MGST1: variants seen among roughly 807,000 people sequenced by gnomAD.
MGST1 encodes the protein glutathione S-transferase 12.
In MGST1, 5 loss-of-function variants were observed where a neutral mutation model predicts 8.9. That is an observed-to-expected ratio of 0.56 (90% CI 0.29 to 1.19). MGST1 has a LOEUF of 1.19. Among genes scored for constraint, MGST1 ranks in the 50% most tolerant of loss-of-function variants. The pLI, the probability that MGST1 is intolerant of heterozygous loss-of-function variation, is 0.08. For synonymous variants in MGST1, 54 were observed against 67.8 expected, an observed-to-expected ratio of 0.80 and a Z score of 1.00; for missense variants, 182 against 187.4, an observed-to-expected ratio of 0.97 and a Z score of 0.17.
At chr12:16,360,055 T>G (rs1198556988) in intron 3 of MGST1, among the ~76,000 whole-genome samples, 1 of 152,106 alleles carries the variant, frequency 6.6e-6, no homozygotes, top group East Asian at 1.9e-4. Flanking sequence ...CTGGAGGAGG[T>G]GCAGCGACTG....
intron 1 of MGST1, among the ~76,000 whole-genome samples, chr12:16,429,393 TTTCG>T (rs1225890278): frequency 6.6e-6 from 1 of 152,142 alleles, no homozygotes; most frequent in African/African-American, 2.4e-5. Flanking sequence ...TCCTTTCCTT[TTTCG>T]TTTATCTTCA....
intron 1 of MGST1, among the ~76,000 whole-genome samples, chr12:16,398,018 C>T (rs1185607542): frequency 6.6e-6 from 1 of 151,564 alleles, no homozygotes; most frequent in Non-Finnish European, 1.5e-5. Context: ...CATTTACTTA[C>T]ATGTGCACTG....
At chr12:16,372,810 T>A (rs1161639116) in intron 3 of MGST1, among the ~76,000 whole-genome samples, 1 of 150,496 alleles carries the variant, frequency 6.6e-6, no homozygotes, top group Non-Finnish European at 1.5e-5. Flanking sequence ...GAAGATGGGA[T>A]GTGTGTGTGT....
At chr12:16,515,015 T>C (rs930188411) in intron 4 of MGST1, among the ~76,000 whole-genome samples, 10 of 152,206 alleles carry the variant, frequency 6.6e-5, no homozygotes, top group Admixed American at 1.3e-4. Flanking sequence ...TGAAGTGTTA[T>C]AGAGTTCGGG....
rs1591727061 is a variant in MGST1, at chr12:16,434,414, C to T, written n.779-2974C>T. On this transcript the variant is annotated intron_variant and non_coding_transcript_variant, in intron 1 of 1. Coordinates refer to the MGST1 transcript ENST00000359720. ...CACTTATTATGTCTCATTATAGTTC[C>T]AAGTAATTCTCATTTATTTTATTTC... Among the ~76,000 whole-genome samples the T allele has an allele frequency of 2.0e-5, 3 of 150,254 alleles. No individual in the cohort carries two copies. In the Middle Eastern group the frequency reaches 0.01, roughly 511 times the overall value.
rs554019065 is a variant in MGST1, at chr12:16,444,208, A to G, written n.482+60604A>G. Among the ~76,000 whole-genome samples, 22 of 73,632 alleles carry G rather than the reference A, an allele frequency of 3.0e-4. No individual in the cohort carries two copies. In the East Asian group the frequency reaches 6.9e-3, roughly 23 times the overall value. The allele number at this position is 73,632 out of a possible 152,430, so 48.3% of individuals were successfully genotyped here. On this transcript the variant is annotated intron_variant and non_coding_transcript_variant, in intron 4 of 4. Transcript: ENST00000538857. The stretch of plus-strand genomic sequence containing the variant: ...GTTTTTTTTTTTTTTTTTTTTGTCT[A>G]CTTGGATTTTTAGTGCACCTTCCAT...
rs972252200 is a variant in MGST1 at position 16,400,479 on chromosome 12, T to C, written n.778+16875T>C. ...TACTCCAGTTTAGATTGATCACCAG[T>C]GAGTCTTGTTTTACAATGCCCTCCT... On this transcript the variant is annotated intron_variant and non_coding_transcript_variant, in intron 1 of 1. Coordinates refer to the MGST1 transcript ENST00000359720. The C allele has an allele frequency of 2.4e-5, 19 of 797,980 alleles. No homozygotes were observed. In the African/African-American group the frequency reaches 3.2e-4, roughly 13 times the overall value. 49.4% of individuals were successfully genotyped at this position (797,980 alleles called of 1,614,324 possible).
chr12:16,488,883 A>C (rs1591743351), intron 4 of MGST1, among the ~76,000 whole-genome samples: 1 of 152,078 alleles, frequency 6.6e-6, no homozygotes, highest in South Asian at 2.1e-4. Context: ...CTGAGGCAGC[A>C]GAGTTGTTTG....
intron 4 of MGST1, among the ~76,000 whole-genome samples, chr12:16,461,574 C>A (rs1025200551): frequency 3.3e-5 from 5 of 152,070 alleles, no homozygotes; most frequent in African/African-American, 1.2e-4. Flanking sequence ...AAAATAGGTT[C>A]TTTGGATAAG....
At chr12:16,578,860 A>AAC (rs1565497758) in intron 4 of MGST1, among the ~76,000 whole-genome samples, 44 of 147,944 alleles carry the variant, frequency 3.0e-4, no homozygotes, top group Non-Finnish European at 5.2e-4. Context: ...ACAACAACAA[A>AAC]ACATTAATTC....
At chr12:16,520,178 T>C (rs967495006) in intron 4 of MGST1, among the ~76,000 whole-genome samples, 1 of 152,112 alleles carries the variant, frequency 6.6e-6, no homozygotes, top group Non-Finnish European at 1.5e-5. Flanking sequence ...GTATAACCCT[T>C]TCACTTTAGA....
chr12:16,397,225 A>G lies in MGST1; in HGVS notation n.778+13621A>G, dbSNP rs183276360. Among the ~76,000 whole-genome samples, 10 of 152,352 alleles carry G rather than the reference A, an allele frequency of 6.6e-5. No homozygotes were observed. The East Asian group carries it at 1.9e-3, about 29-fold the overall frequency. On this transcript the variant is annotated intron_variant and non_coding_transcript_variant, in intron 1 of 1. Coordinates refer to the MGST1 transcript ENST00000359720. ...GGTGCTGGGATAATTGGCAAGCCAC[A>G]TGTAGGAGAATGAAAATGGATCCTC...
At position 16,576,865 on chromosome 12, in the gene MGST1, A is replaced by G. The variant is rs556684544; in HGVS notation, n.483-12663A>G. On this transcript the variant is annotated intron_variant and non_coding_transcript_variant, in intron 4 of 4. Coordinates refer to the MGST1 transcript ENST00000538857. The surrounding 1 kb of genome is among the most constrained non-coding windows in gnomAD (Gnocchi z 4.1). ...ACCTGTAGGTGGAAGTCAAAAATAA[A>G]TTACTTAAAAGCTGTTACAAAGAAA... Among the ~76,000 whole-genome samples the G allele has an allele frequency of 1.3e-5, 2 of 152,326 alleles. No individual in the cohort carries two copies. Among genetic ancestry groups the G allele is most frequent in the South Asian group, 4.1e-4 (2 of 4,822 alleles).
chr12:16,412,080 TTTAAA>T (rs1254590821), intron 1 of MGST1, among the ~76,000 whole-genome samples: 1 of 152,212 alleles, frequency 6.6e-6, no homozygotes, highest in Non-Finnish European at 1.5e-5. Flanking sequence ...TATATGGATT[TTTAAA>T]TTAAGAAGTT....
chr12:16,429,714 A>AT (rs1280143091), intron 1 of MGST1, among the ~76,000 whole-genome samples: 1 of 152,176 alleles, frequency 6.6e-6, no homozygotes, highest in Admixed American at 6.5e-5. Flanking sequence ...AATTTAAAAC[A>AT]TTTCTTGCTG....
chr12:16,402,811 G>T (rs548919379), intron 1 of MGST1, among the ~76,000 whole-genome samples: 2 of 151,246 alleles, frequency 1.3e-5, no homozygotes, highest in African/African-American at 4.8e-5. Context: ...TCATTATATA[G>T]GTGTTCTTCA....
intron 4 of MGST1, among the ~76,000 whole-genome samples, chr12:16,492,400 A>C (rs530624709): frequency 3.9e-5 from 6 of 152,238 alleles, no homozygotes; most frequent in African/African-American, 1.4e-4. Context: ...GTAGCTATAC[A>C]TTAGCGCGGT....
At chr12:16,367,511 CT>C (rs1270536252), downstream of MGST1, 1 of 152,254 alleles carries the variant, frequency 6.6e-6, no homozygotes, top group Non-Finnish European at 1.5e-5. Flanking sequence ...GGAAGCCTCT[CT>C]TAGGCTGCTG....
At position 16,447,590 on chromosome 12, in the gene MGST1, C is replaced by T. The variant is rs139882969; in HGVS notation, n.482+63986C>T. On this transcript the variant is annotated intron_variant and non_coding_transcript_variant, in intron 4 of 4. Coordinates refer to the MGST1 transcript ENST00000538857. ...GGTGCATCTGACTGATCTCATATGT[C>T]GGGATACCAGGGATTCCTAGCAAGG... is the stretch of plus-strand genomic sequence containing the variant. 4.6e-5 allele frequency among the ~76,000 whole-genome samples: 7 copies of T among 151,990 alleles called. No homozygotes were observed. In the East Asian group the frequency reaches 5.8e-4, roughly 13 times the overall value.
Sources: allele counts gnomAD v4.1 joint callset (sites outside exome capture counted in the v4.1 genomes callset), GRCh38; gene constraint gnomAD v4.1.1; non-coding constraint Gnocchi (gnomAD v3.1); transcripts MANE v1.5; gene names NCBI Gene and HGNC (gene_info 2026-07-23, HGNC 2026-07-21).